TTLL5: variants seen among roughly 807,000 people sequenced by gnomAD.
The protein encoded by TTLL5 is tubulin tyrosine ligase like 5, also known as tubulin polyglutamylase TTLL5.
In TTLL5, 132 loss-of-function variants were observed where a neutral mutation model predicts 168.4. That is an observed-to-expected ratio of 0.78 (90% CI 0.68 to 0.91). The LOEUF is 0.91. TTLL5 is among the 40% of genes least tolerant of loss of function. The pLI is 0.00. For synonymous variants in TTLL5, 546 were observed against 558.6 expected (o/e 0.98, Z 0.32); for missense variants, 1,545 against 1,581.5 (o/e 0.98, Z 0.39).
In TTLL5 at chr14:75,783,302, C is replaced by T; in HGVS notation, c.2758C>T (p.Gln920Ter). 6.2e-7 allele frequency: 1 copy of T among 1,614,170 alleles called. No homozygotes were observed. Among genetic ancestry groups the T allele is most frequent in the Non-Finnish European group, 8.5e-7 (1 of 1,180,028 alleles). The change falls in exon 26 of 32, where the codon CAA becomes TAA. Residue 920 changes from glutamine to a stop codon, truncating the protein, a stop_gained. Coordinates refer to ENST00000298832, the MANE Select transcript of TTLL5 (RefSeq NM_015072.5). LOFTEE classifies it high-confidence loss of function. ...GCCTTGCCACCATTCTTCTTTATCTCAAATTCCTTCAGCTATCCCCAGCAT... is the reference window on the plus strand; with the variant it reads ...GCCTTGCCACCATTCTTCTTTATCTTAAATTCCTTCAGCTATCCCCAGCAT... ...PGPCHHSSLS[Q>*]IPSAIPSMPH...
At position 75,853,085 on chromosome 14, in the gene TTLL5, C is replaced by G. The variant is rs184164118; in HGVS notation, c.3327-10582C>G. Among the ~76,000 whole-genome samples the G allele has an allele frequency of 3.7e-3, 557 of 152,306 alleles. 2 individuals carry two copies. Among genetic ancestry groups the G allele is most frequent in the Non-Finnish European group, 5.2e-3 (351 of 68,030 alleles). ...AGTGCTAAATTTAACTATTATGACC[C>G]TTGACTCTCTTCTAACTACATTTGA... On this transcript the variant is annotated intron_variant, in intron 28 of 31. Transcript: ENST00000298832.
chr14:75,732,215 C>T (rs1006379583), intron 12 of TTLL5, 123 bp from the exon 13 acceptor site: 4 of 645,254 alleles, frequency 6.2e-6, no homozygotes, highest in African/African-American at 5.7e-5. Flanking sequence ...CTTCTACTTC[C>T]ACTTGCTACT....
intron 30 of TTLL5, chr14:75,887,097 G>A (rs946137081): frequency 1.3e-5 from 15 of 1,142,388 alleles, no homozygotes; most frequent in African/African-American, 8.0e-5. Flanking sequence ...TGGTGGTAAC[G>A]ACTGTTCTGT....
chr14:75,712,828 A>G (rs999407508), intron 9 of TTLL5, among the ~76,000 whole-genome samples: 1 of 152,210 alleles, frequency 6.6e-6, no homozygotes, highest in Non-Finnish European at 1.5e-5. Flanking sequence ...AGGAAATGTA[A>G]CTTGTGATTT....
intron 9 of TTLL5, among the ~76,000 whole-genome samples, chr14:75,716,559 T>C (rs1479452041): frequency 6.6e-6 from 1 of 152,192 alleles, no homozygotes; most frequent in Admixed American, 6.5e-5. Context: ...AGTAAGCATA[T>C]GTAAATAATT....
At chr14:75,953,508 C>T (rs577976136) in intron 31 of TTLL5, among the ~76,000 whole-genome samples, 1 of 152,244 alleles carries the variant, frequency 6.6e-6, no homozygotes, top group African/African-American at 2.4e-5. Flanking sequence ...GCATAAAGAT[C>T]ATAAACCTGT....
At chr14:75,816,974 ATTTTTTT>A (rs35736530) in intron 27 of TTLL5, among the ~76,000 whole-genome samples, 4 of 96,096 alleles carry the variant, frequency 4.2e-5, no homozygotes, top group East Asian at 3.2e-4. Context: ...TCCCTGTCTT[ATTTTTTT>A]TTTTTTTTTT....
At chr14:75,809,539 G>A (rs769548496) in intron 27 of TTLL5, among the ~76,000 whole-genome samples, 14 of 152,264 alleles carry the variant, frequency 9.2e-5, no homozygotes, top group East Asian at 1.9e-4. Context: ...TGGGATATCC[G>A]TTGCTTCAAA....
chr14:75,846,580 C>T (rs964176406), intron 28 of TTLL5, among the ~76,000 whole-genome samples: 9 of 152,010 alleles, frequency 5.9e-5, no homozygotes, highest in Admixed American at 1.3e-4. Flanking sequence ...CACCTGAGAT[C>T]GGGAGTTCGA....
chr14:75,826,995 C>T (rs991525526), intron 28 of TTLL5, among the ~76,000 whole-genome samples: 1 of 152,168 alleles, frequency 6.6e-6, no homozygotes. Context: ...GAAATCAATG[C>T]TCTTTTTTAA....
intron 28 of TTLL5, among the ~76,000 whole-genome samples, chr14:75,861,402 T>G (rs970637691): frequency 1.3e-5 from 2 of 152,160 alleles, no homozygotes; most frequent in Non-Finnish European, 2.9e-5. Context: ...CTTCTGAGCT[T>G]GGCAAACATT....
At chr14:75,713,458 G>C (rs1053366804) in intron 9 of TTLL5, among the ~76,000 whole-genome samples, 1 of 152,130 alleles carries the variant, frequency 6.6e-6, no homozygotes, top group African/African-American at 2.4e-5. Flanking sequence ...CGATGAAATT[G>C]GCCTATCAAT....
At chr14:75,921,847 T>C (rs910396377) in intron 31 of TTLL5, among the ~76,000 whole-genome samples, 2 of 152,272 alleles carry the variant, frequency 1.3e-5, no homozygotes, top group Non-Finnish European at 2.9e-5. Context: ...TATTGATTCT[T>C]CCTATCCATG....
intron 30 of TTLL5, among the ~76,000 whole-genome samples, chr14:75,889,521 T>C (rs2140047271): frequency 6.6e-6 from 1 of 152,114 alleles, no homozygotes; most frequent in South Asian, 2.1e-4. Context: ...CACTTTACAA[T>C]AAAATGAGAT....
intron 2 of TTLL5, among the ~76,000 whole-genome samples, chr14:75,666,434 A>C (rs1445379835): frequency 6.6e-6 from 1 of 152,258 alleles, no homozygotes; most frequent in Non-Finnish European, 1.5e-5. Flanking sequence ...CTGTATGTAG[A>C]TATAGAAGCT....
At chr14:75,869,022 G>GTGTGTT (rs1320362363) in intron 29 of TTLL5, among the ~76,000 whole-genome samples, 2 of 116,000 alleles carry the variant, frequency 1.7e-5, no homozygotes, top group East Asian at 1.1e-3. Flanking sequence ...GAGTGTGTGT[G>GTGTGTT]TGTGTGTGTG....
chr14:75,723,262 A>G (rs1887960378), intron 12 of TTLL5, among the ~76,000 whole-genome samples: 1 of 152,074 alleles, frequency 6.6e-6, no homozygotes, highest in African/African-American at 2.4e-5. Flanking sequence ...GTTGCATGTC[A>G]GCGTCTTTTG....
intron 4 of TTLL5, among the ~76,000 whole-genome samples, chr14:75,681,931 A>G (rs1196332587): frequency 2.6e-5 from 4 of 152,204 alleles, no homozygotes; most frequent in Non-Finnish European, 5.9e-5. Flanking sequence ...GATTGCAGGC[A>G]ACTGAACAGA....
At chr14:75,669,378 T>G in intron 2 of TTLL5, 38 bp from the exon 3 acceptor site, 13 of 1,580,308 alleles carry the variant, frequency 8.2e-6, no homozygotes, top group African/African-American at 1.3e-5. Flanking sequence ...GTTCAGGTTT[T>G]GAGCTGTAAA....
Sources: allele counts gnomAD v4.1 joint callset (sites outside exome capture counted in the v4.1 genomes callset), GRCh38; gene constraint gnomAD v4.1.1; transcripts MANE v1.5; gene names NCBI Gene and HGNC (gene_info 2026-07-23, HGNC 2026-07-21).